FANK1: variants seen among roughly 807,000 people sequenced by gnomAD.
FANK1 encodes the protein fibronectin type III and ankyrin repeat domains 1.
FANK1 carries 44 observed loss-of-function variants against 45.3 expected under a neutral mutation model. The ratio of observed to expected loss-of-function variants is 0.97; its 90% CI spans 0.76 to 1.25. The LOEUF (loss-of-function observed/expected upper bound fraction) is 1.25, where lower values mean the gene tolerates loss of function less well. FANK1 is among the 50% of genes most tolerant of loss of function. The pLI, the probability that FANK1 is intolerant of heterozygous loss-of-function variation, is 0.00. For synonymous variants in FANK1, 149 were observed against 152.5 expected (o/e 0.98, Z 0.17); for missense variants, 391 against 424.4 (o/e 0.92, Z 0.69).
chr10:125,956,421 T>C (rs1949583498), intron 1 of FANK1, among the ~76,000 whole-genome samples: 1 of 152,196 alleles, frequency 6.6e-6, no homozygotes, highest in African/African-American at 2.4e-5. Flanking sequence ...GCAAGTTATA[T>C]TGGTATAGAA....
At chr10:125,936,362 A>T (rs1213472741) in intron 1 of FANK1, among the ~76,000 whole-genome samples, 1 of 151,748 alleles carries the variant, frequency 6.6e-6, no homozygotes, top group Non-Finnish European at 1.5e-5. Context: ...ATACAGAAAA[A>T]TGCACATATC....
In FANK1 at chr10:125,996,910, A is replaced by AT. The variant is rs546014253; in HGVS notation, c.473+298dup. 8.0e-3 allele frequency among the ~76,000 whole-genome samples: 1,186 copies of AT among 147,448 alleles called. 15 individuals carry two copies. Among genetic ancestry groups the AT allele is most frequent in the African/African-American group, 0.024 (960 of 40,490 alleles). On this transcript the variant is annotated intron_variant, in intron 5 of 10. Transcript: ENST00000368693. ...TTGGAAAACTGGTTATTGGAATTCA[A>AT]TTTTTTTTTTTTAAGATGTAGAGAG...
intron 1 of FANK1, among the ~76,000 whole-genome samples, chr10:125,919,497 C>T (rs1397102935): frequency 6.6e-6 from 1 of 151,266 alleles, no homozygotes; most frequent in African/African-American, 2.4e-5. Context: ...TGAGCCACTG[C>T]GCCTGGCTGC....
intron 9 of FANK1, 40 bp downstream of exon 9, chr10:126,009,171 G>T (rs906191944): frequency 1.9e-6 from 3 of 1,614,112 alleles, no homozygotes; most frequent in Non-Finnish European, 2.5e-6. Context: ...TTCCTCGGAG[G>T]GGGAGAAAAC....
At chr10:126,002,763 C>CTTTTTTTTTTTTTT (rs375158618) in intron 6 of FANK1, among the ~76,000 whole-genome samples, 1 of 113,230 alleles carries the variant, frequency 8.8e-6, no homozygotes. Context: ...TTTGCCTCTC[C>CTTTTTTTTTTTTTT]TTTTTTTTTT....
At chr10:125,904,429 A>C (rs992115431) in intron 1 of FANK1, among the ~76,000 whole-genome samples, 5 of 152,004 alleles carry the variant, frequency 3.3e-5, no homozygotes, top group Non-Finnish European at 7.4e-5. Flanking sequence ...TAACACCAAC[A>C]TTACAGATTT....
At chr10:126,007,393 C>T (rs1443390869) in intron 7 of FANK1, among the ~76,000 whole-genome samples, 1 of 152,168 alleles carries the variant, frequency 6.6e-6, no homozygotes, top group Non-Finnish European at 1.5e-5. Context: ...TGTAAAGCAT[C>T]ATGTAATATG....
chr10:125,947,086 C>A (rs1388318161), intron 1 of FANK1, among the ~76,000 whole-genome samples: 4 of 147,156 alleles, frequency 2.7e-5, no homozygotes, highest in African/African-American at 1.0e-4. Flanking sequence ...CACCACCAGG[C>A]CTGCCCTAAA....
At chr10:125,954,152 A>G (rs1949427275) in intron 1 of FANK1, among the ~76,000 whole-genome samples, 2 of 77,368 alleles carry the variant, frequency 2.6e-5, no homozygotes, top group Admixed American at 1.1e-4. Flanking sequence ...ATGTGGTTAC[A>G]ATGGGGGAAG....
chr10:125,997,788 G>A (rs777622201), intron 6 of FANK1, among the ~76,000 whole-genome samples: 1 of 152,238 alleles, frequency 6.6e-6, no homozygotes, highest in Non-Finnish European at 1.5e-5. Context: ...AGCAGCTCTC[G>A]CCATCCGCGC....
intron 3 of FANK1, among the ~76,000 whole-genome samples, chr10:125,991,916 C>T (rs1334976284): frequency 1.3e-5 from 2 of 152,174 alleles, no homozygotes; most frequent in African/African-American, 4.8e-5. Context: ...CCACTCTGCC[C>T]TGCTCTGCCC....
At chr10:125,950,811 T>G (rs892883745) in intron 1 of FANK1, among the ~76,000 whole-genome samples, 7 of 146,538 alleles carry the variant, frequency 4.8e-5, no homozygotes, top group African/African-American at 1.7e-4. Flanking sequence ...TATTGCGGCA[T>G]TATTCACAAT....
intron 1 of FANK1, among the ~76,000 whole-genome samples, chr10:125,914,308 G>A (rs1208590640): frequency 9.9e-6 from 1 of 100,680 alleles, no homozygotes; most frequent in Non-Finnish European, 2.1e-5. Context: ...AAGTCTCAGT[G>A]GTCTTTTTAT....
intron 1 of FANK1, among the ~76,000 whole-genome samples, chr10:125,913,487 A>G (rs1189038007): frequency 1.3e-5 from 2 of 152,346 alleles, no homozygotes; most frequent in Admixed American, 6.5e-5. Flanking sequence ...TAACTTGATT[A>G]CAGATAACTT....
chr10:125,965,102 G>A (rs1031520940), intron 1 of FANK1, among the ~76,000 whole-genome samples: 6 of 152,096 alleles, frequency 3.9e-5, no homozygotes, highest in African/African-American at 7.2e-5. Flanking sequence ...AGGTTGTGGC[G>A]AGCAGAGCCA....
chr10:125,949,205 G>A (rs1374069754), intron 1 of FANK1, among the ~76,000 whole-genome samples: 1 of 151,270 alleles, frequency 6.6e-6, no homozygotes, highest in Non-Finnish European at 1.5e-5. Context: ...TTGAAAACTG[G>A]CACAACACAG....
chr10:125,959,248 C>G (rs1242003051), intron 1 of FANK1, among the ~76,000 whole-genome samples: 1 of 151,366 alleles, frequency 6.6e-6, no homozygotes, highest in African/African-American at 2.4e-5. Context: ...AATCCACACA[C>G]ACACACAAAT....
intron 3 of FANK1, among the ~76,000 whole-genome samples, chr10:125,989,001 C>T (rs7085584): frequency 0.39 from 59,744 of 151,984 alleles, 11,937 homozygotes; most frequent in South Asian, 0.46. Flanking sequence ...CCCCACACAG[C>T]CAAGCAGGCT....
At chr10:125,932,814 C>G (rs1221183586) in intron 1 of FANK1, among the ~76,000 whole-genome samples, 1 of 152,102 alleles carries the variant, frequency 6.6e-6, no homozygotes, top group Non-Finnish European at 1.5e-5. Flanking sequence ...CAACTTTTCC[C>G]CATTTAGTAT....
Sources: allele counts gnomAD v4.1 joint callset (sites outside exome capture counted in the v4.1 genomes callset), GRCh38; gene constraint gnomAD v4.1.1; transcripts MANE v1.5; gene names NCBI Gene and HGNC (gene_info 2026-07-23, HGNC 2026-07-21).